The following GRIA3 variants were observed in gnomAD, a reference collection of about 807,000 sequenced individuals.
GRIA3 encodes the protein glutamate receptor 3.
In GRIA3, 3 loss-of-function variants were observed where a neutral mutation model predicts 63.0. That is an observed-to-expected ratio of 0.05 (90% confidence interval 0.02 to 0.12). The LOEUF (loss-of-function observed/expected upper bound fraction) is 0.12. Among genes scored for constraint, GRIA3 ranks in the 10% least tolerant of loss-of-function variants. The probability of loss-of-function intolerance (pLI) is 1.00; values close to 1 mark genes in which losing one functional copy is unlikely to be tolerated. For synonymous variants in GRIA3, 274 were observed against 257.9 expected (o/e 1.06, Z -0.60); for missense variants, 347 against 700.9 (o/e 0.50, Z 5.70).
rs1254052097 is a variant in GRIA3 at position 123,236,958 on chromosome X, C to G, written c.269-16345C>G. ...CACATGAGGCAAGCAGGCCACAACT[C>G]AGTCCAGGCAAGCTATGATCAAATG... On this transcript the variant is annotated intron_variant, in intron 2 of 15. Coordinates refer to ENST00000620443, the MANE Select transcript of GRIA3 (RefSeq NM_007325.5). Among the ~76,000 whole-genome samples, 8 of 111,988 alleles carry G rather than the reference C, an allele frequency of 7.1e-5. No individual in the cohort carries two copies. In the East Asian group the frequency reaches 2.3e-3, roughly 32 times the overall value.
At chrX:123,199,876 C>A (rs17259295) in intron 2 of GRIA3, among the ~76,000 whole-genome samples, 26,195 of 110,947 alleles carry the variant, frequency 0.24, 2,653 homozygotes, top group Non-Finnish European at 0.32. Context: ...TCTTGAAGTC[C>A]TATTACAGAT....
intron 15 of GRIA3, among the ~76,000 whole-genome samples, chrX:123,487,913 G>A (rs752948006): frequency 3.8e-4 from 43 of 111,919 alleles, no homozygotes; most frequent in African/African-American, 1.3e-3. Context: ...TCATAATTAC[G>A]TCATTCTTTT....
intron 4 of GRIA3, among the ~76,000 whole-genome samples, chrX:123,338,522 A>G (rs948824048): frequency 8.9e-6 from 1 of 112,310 alleles, no homozygotes; most frequent in African/African-American, 3.2e-5. Context: ...TGCATGCGTG[A>G]CAATTTCATG....
chrX:123,395,055 G>T lies in GRIA3; in HGVS notation c.838G>T (p.Val280Phe). The change falls in exon 6 of 16, where the codon GTT (valine) becomes TTT (phenylalanine). Residue 280 changes from valine (V) to phenylalanine (F), a missense_variant. Transcript: ENST00000620443. ...FQIVNNENPM[V>F]QQFIQRWVRL... ...GATTGTCAACAATGAAAACCCTATGGTTCAGCAGTTCATACAGCGCTGGGT... is the reference window on the plus strand; with the variant it reads ...GATTGTCAACAATGAAAACCCTATGTTTCAGCAGTTCATACAGCGCTGGGT... 1 of 1,203,108 alleles carries T rather than the reference G, an allele frequency of 8.3e-7. No individual in the cohort carries two copies. Among genetic ancestry groups the T allele is most frequent in the Non-Finnish European group, 1.1e-6 (1 of 887,681 alleles).
intron 9 of GRIA3, among the ~76,000 whole-genome samples, chrX:123,404,266 T>C (rs1232110306): frequency 1.8e-5 from 2 of 110,696 alleles, no homozygotes; most frequent in East Asian, 2.8e-4. Flanking sequence ...CCTGGAGATA[T>C]AAAAATGTAA....
intron 15 of GRIA3, among the ~76,000 whole-genome samples, chrX:123,484,214 G>A (rs1230432618): frequency 1.8e-5 from 2 of 111,970 alleles, no homozygotes; most frequent in African/African-American, 6.5e-5. Flanking sequence ...CAATAATTCA[G>A]AATGTTCAAA....
intron 13 of GRIA3, among the ~76,000 whole-genome samples, chrX:123,476,485 C>T (rs2045887798): frequency 9.0e-6 from 1 of 111,325 alleles, no homozygotes; most frequent in Admixed American, 9.6e-5. Context: ...TTTCCTCTGC[C>T]GTCTCAGAAA....
intron 5 of GRIA3, among the ~76,000 whole-genome samples, chrX:123,364,912 C>T (rs952973389): frequency 2.7e-5 from 3 of 112,115 alleles, no homozygotes; most frequent in African/African-American, 6.5e-5. Context: ...AATCTTAAAA[C>T]GTTGAACTCA....
intron 6 of GRIA3, among the ~76,000 whole-genome samples, chrX:123,396,386 G>T (rs760238812): frequency 1.8e-5 from 2 of 110,273 alleles, no homozygotes; most frequent in African/African-American, 3.3e-5. Flanking sequence ...TTCTAGAAAA[G>T]TTATGGGTTA....
At chrX:123,358,870 T>A (rs983441435) in intron 5 of GRIA3, 2 of 111,591 alleles carry the variant, frequency 1.8e-5, no homozygotes, top group Admixed American at 9.6e-5. Flanking sequence ...TTAGTTTTTT[T>A]CACCTATGTC....
intron 11 of GRIA3, among the ~76,000 whole-genome samples, chrX:123,425,129 A>G (rs139243865): frequency 4.1e-3 from 456 of 111,720 alleles, no homozygotes; most frequent in Non-Finnish European, 6.5e-3. Flanking sequence ...TCATGCCACT[A>G]TATTTCTCAG....
intron 5 of GRIA3, among the ~76,000 whole-genome samples, chrX:123,362,700 C>T: frequency 9.8e-6 from 1 of 102,002 alleles, no homozygotes; most frequent in Non-Finnish European, 2.0e-5. Flanking sequence ...AATTATACCT[C>T]AATGAAGCTG....
intron 9 of GRIA3, 70 bp downstream of exon 9, chrX:123,403,589 C>A: frequency 1.4e-6 from 1 of 695,262 alleles, no homozygotes; most frequent in Non-Finnish European, 2.4e-6. Context: ...AGTATTTTTC[C>A]ACCAGTAGAA....
intron 3 of GRIA3, among the ~76,000 whole-genome samples, chrX:123,274,877 TC>T (rs1438868731): frequency 5.4e-5 from 6 of 111,810 alleles, no homozygotes; most frequent in African/African-American, 1.9e-4. Flanking sequence ...TTAAAATTTT[TC>T]CCAGTGTCAA....
intron 12 of GRIA3, among the ~76,000 whole-genome samples, chrX:123,460,687 T>C (rs1298427538): frequency 8.9e-6 from 1 of 112,041 alleles, no homozygotes; most frequent in Non-Finnish European, 1.9e-5. Context: ...ATGTTTAATT[T>C]GTTAAGCTTT....
intron 13 of GRIA3, among the ~76,000 whole-genome samples, chrX:123,470,429 G>A (rs1300097994): frequency 8.9e-6 from 1 of 111,837 alleles, no homozygotes; most frequent in Non-Finnish European, 1.9e-5. Flanking sequence ...AAAATCAGTG[G>A]TGTTTCCTTT....
chrX:123,188,557 C>T (rs55633996), intron 2 of GRIA3, among the ~76,000 whole-genome samples: 24,854 of 110,449 alleles, frequency 0.23, 2,674 homozygotes, highest in Middle Eastern at 0.39. Context: ...AAAGAGAAAC[C>T]TCTGTATCCT....
chrX:123,378,195 G>C (rs2045298692), intron 5 of GRIA3, among the ~76,000 whole-genome samples: 2 of 111,579 alleles, frequency 1.8e-5, no homozygotes, highest in Non-Finnish European at 3.8e-5. Flanking sequence ...AAGAAAAACA[G>C]CACGTGCATT....
At chrX:123,186,505 C>G (rs1569394448) in intron 2 of GRIA3, among the ~76,000 whole-genome samples, 1 of 111,608 alleles carries the variant, frequency 9.0e-6, no homozygotes, top group Non-Finnish European at 1.9e-5. Context: ...ATGAGAAATT[C>G]TGCAAACAAG....
Sources: gnomAD v4.1 joint callset for allele counts (sites outside exome capture counted in the v4.1 genomes callset) on GRCh38, gnomAD v4.1.1 for gene constraint, MANE v1.5 for transcripts, NCBI Gene and HGNC (gene_info 2026-07-23, HGNC 2026-07-21) for gene names.